Variants in PNPLA1 observed in about 807,000 individuals in gnomAD.
The protein encoded by PNPLA1 is patatin like domain 1, omega-hydroxyceramide transacylase.
A neutral mutation model predicts 51.7 loss-of-function variants in PNPLA1; 36 were observed. The ratio of observed to expected loss-of-function variants is 0.70; its 90% CI spans 0.53 to 0.92. The LOEUF (loss-of-function observed/expected upper bound fraction) is 0.92, where lower values mean the gene tolerates loss of function less well. PNPLA1 is among the 40% of genes least tolerant of loss of function. The pLI is 0.00. For missense variants in PNPLA1, 658 were observed against 682.5 expected, an observed-to-expected ratio of 0.96 and a Z score of 0.40; for synonymous variants, 293 against 280.1, an observed-to-expected ratio of 1.05 and a Z score of -0.46.
upstream of PNPLA1, among the ~76,000 whole-genome samples, chr6:36,267,328 T>A (rs1351795895): frequency 2.6e-5 from 4 of 152,220 alleles, no homozygotes; most frequent in African/African-American, 9.7e-5. Flanking sequence ...GGCCTGCTGC[T>A]CACCAGCCCT....
chr6:36,255,665 C>G (rs376697982), intron 1 of PNPLA1, among the ~76,000 whole-genome samples: 5 of 148,520 alleles, frequency 3.4e-5, no homozygotes, highest in African/African-American at 1.3e-4. Flanking sequence ...CCAGCCTGAG[C>G]AACAAGAGTG....
At chr6:36,278,620 GC>G (rs1325552981) in intron 1 of PNPLA1, among the ~76,000 whole-genome samples, 1 of 152,184 alleles carries the variant, frequency 6.6e-6, no homozygotes, top group African/African-American at 2.4e-5. Flanking sequence ...CACTAGTACA[GC>G]CCCGCTGTTG....
intron 1 of PNPLA1, among the ~76,000 whole-genome samples, chr6:36,276,509 A>T (rs766625780): frequency 3.9e-5 from 6 of 152,116 alleles, no homozygotes; most frequent in African/African-American, 1.4e-4. Flanking sequence ...TTCACCTAGG[A>T]GGGGTGGTCT....
intron 1 of PNPLA1, among the ~76,000 whole-genome samples, chr6:36,257,717 T>C (rs1769560096): frequency 6.6e-6 from 1 of 152,230 alleles, no homozygotes; most frequent in South Asian, 2.1e-4. Flanking sequence ...AAAATTCTTG[T>C]CTGTTAGTTT....
chr6:36,308,972 T>G (rs9470251), intron 8 of PNPLA1, among the ~76,000 whole-genome samples: 6 of 151,954 alleles, frequency 3.9e-5, no homozygotes, highest in Non-Finnish European at 8.8e-5. Context: ...GGAACAGACC[T>G]GCACTGCTAT....
chr6:36,250,666 CAG>C (rs1178925915), intron 1 of PNPLA1, among the ~76,000 whole-genome samples: 1 of 152,164 alleles, frequency 6.6e-6, no homozygotes, highest in African/African-American at 2.4e-5. Flanking sequence ...ATAGTCTACT[CAG>C]GGAGACAGGC....
intron 1 of PNPLA1, among the ~76,000 whole-genome samples, chr6:36,285,911 T>A (rs962523816): frequency 1.2e-4 from 18 of 152,180 alleles, no homozygotes; most frequent in Admixed American, 3.9e-4. Context: ...TACACTACTC[T>A]GAAACTGGGG....
rs757097291 is a variant in PNPLA1 at position 36,294,213 on chromosome 6, G to A, written c.528G>A (p.Thr176=). Reference sequence around the variant, plus strand: ...AGAGGTACATCGATGGGGGCTTCACGGGCATGCAGCCCTGTGCCTTCTGGA... The same window carrying A: ...AGAGGTACATCGATGGGGGCTTCACAGGCATGCAGCCCTGTGCCTTCTGGA... ...RGVRYIDGGF[T]GMQPCAFWTD... Residue 176 remains threonine, a synonymous_variant, in exon 4 of 9, where the codon ACG becomes ACA. Coordinates refer to ENST00000636260, the MANE Select transcript of PNPLA1 (RefSeq NM_001374623.1). This position sits in a 1 kb window ranked among gnomAD's most constrained non-coding sequence, Gnocchi z 4.2. 2.6e-5 allele frequency: 42 copies of A among 1,614,052 alleles called. 1 individual carries two copies. The highest frequency in any genetic ancestry group is 4.4e-5 in the South Asian group (4 of 91,088).
chr6:36,307,995 T>C (rs2127356519), intron 8 of PNPLA1: 1 of 272,192 alleles, frequency 3.7e-6, no homozygotes, highest in South Asian at 5.9e-5. Flanking sequence ...ATGATGTAAA[T>C]TGCTTCATAG....
chr6:36,307,701 C>A lies in PNPLA1; in HGVS notation c.1584C>A (p.Ser528Arg), dbSNP rs149210881. 7.4e-6 allele frequency: 12 copies of A among 1,613,780 alleles called. No individual in the cohort carries two copies. The highest frequency in any genetic ancestry group is 1.7e-6 in the Non-Finnish European group (2 of 1,179,904). Residue 528 changes from serine (S) to arginine (R), a missense_variant, in exon 8 of 9, where the codon AGC becomes AGA. Physicochemically the swap from Ser to Arg is moderately radical, Grantham distance 110 (BLOSUM62 -1). Coordinates refer to ENST00000636260, the MANE Select transcript of PNPLA1 (RefSeq NM_001374623.1). ...FPRHSGSKKP[S>R]SKVQSAPCPL... Reference sequence around the variant, plus strand: ...GACATTCGGGATCCAAAAAACCAAGCAGCAAAGTGCAGTGAGCATGTCTAA... The same window carrying A: ...GACATTCGGGATCCAAAAAACCAAGAAGCAAAGTGCAGTGAGCATGTCTAA...
In PNPLA1 at chr6:36,307,541, C is replaced by T. The variant is rs74717741; in HGVS notation, c.1470-46C>T. ...TGAGCAGGCCACCATGTTGGAGGACCGAGGTCAGGCCCATAATGAACCATC... is the reference window on the plus strand; with the variant it reads ...TGAGCAGGCCACCATGTTGGAGGACTGAGGTCAGGCCCATAATGAACCATC... On this transcript the variant is annotated intron_variant, in intron 7 of 8. Coordinates refer to ENST00000636260, the MANE Select transcript of PNPLA1 (RefSeq NM_001374623.1). 431 of 1,597,950 alleles carry T rather than the reference C, an allele frequency of 2.7e-4. 2 individuals carry two copies. The African/African-American group carries it at 4.8e-3, about 18-fold the overall frequency.
chr6:36,256,924 G>C (rs1026458193), intron 1 of PNPLA1, among the ~76,000 whole-genome samples: 11 of 152,176 alleles, frequency 7.2e-5, no homozygotes, highest in Admixed American at 2.0e-4. Context: ...ATAGGGGAGA[G>C]GAAGTGGGGG....
chr6:36,291,538 G>A lies in PNPLA1; in HGVS notation c.424G>A (p.Glu142Lys). The A allele has an allele frequency of 6.8e-7, 1 of 1,471,912 alleles. No individual in the cohort carries two copies. The allele number at this position is 1,471,912 out of a possible 1,614,324, so 91.2% of individuals were successfully genotyped here. ...NVVVSEFTSK[E>K]ELIEALYCSC... The stretch of plus-strand genomic sequence containing the variant: ...GGTGGTTTCAGAGTTCACGTCCAAG[G>A]AGGAGCTCATTGAGGCAAGGGGGCT... The change falls in exon 2 of 9, where the codon GAG (glutamate) becomes AAG (lysine). Residue 142 changes from glutamate to lysine, a missense_variant. Transcript: ENST00000636260.
chr6:36,247,353 C>T (rs1372874084), intron 1 of PNPLA1, among the ~76,000 whole-genome samples: 1 of 152,218 alleles, frequency 6.6e-6, no homozygotes, highest in Non-Finnish European at 1.5e-5. Context: ...ACTGTACTTG[C>T]TTGGCAAAAC....
upstream of PNPLA1, among the ~76,000 whole-genome samples, chr6:36,265,631 T>C (rs1311891794): frequency 6.6e-6 from 1 of 152,200 alleles, no homozygotes; most frequent in East Asian, 1.9e-4. Flanking sequence ...ATTTAAGAGC[T>C]CTTGCACTGG....
intron 1 of PNPLA1, among the ~76,000 whole-genome samples, chr6:36,256,280 C>T (rs1769531475): frequency 6.6e-6 from 1 of 151,650 alleles, no homozygotes; most frequent in Non-Finnish European, 1.5e-5. Flanking sequence ...CCCTTGAACC[C>T]AGGAGTTTGA....
intron 1 of PNPLA1, among the ~76,000 whole-genome samples, chr6:36,252,949 G>C (rs1053634075): frequency 5.9e-5 from 9 of 152,240 alleles, no homozygotes; most frequent in African/African-American, 1.9e-4. Context: ...TGGCGGCCAA[G>C]GCTGGCGGAT....
chr6:36,279,086 C>T (rs1770198579), intron 1 of PNPLA1, among the ~76,000 whole-genome samples: 1 of 152,138 alleles, frequency 6.6e-6, no homozygotes, highest in South Asian at 2.1e-4. Flanking sequence ...GACAGGTCTG[C>T]AGGTGTAGTT....
intron 1 of PNPLA1, among the ~76,000 whole-genome samples, chr6:36,285,336 G>A (rs116212227): frequency 0.021 from 3,213 of 152,240 alleles, 105 homozygotes; most frequent in African/African-American, 0.069. Flanking sequence ...TGGTTGAACC[G>A]GAGGTTGTTG....
Sources: allele counts gnomAD v4.1 joint callset (sites outside exome capture counted in the v4.1 genomes callset), GRCh38; gene constraint gnomAD v4.1.1; non-coding constraint Gnocchi (gnomAD v3.1); transcripts MANE v1.5; gene names NCBI Gene and HGNC (gene_info 2026-07-23, HGNC 2026-07-21).